Variants in NXPH1 observed in about 807,000 individuals in gnomAD.
NXPH1 encodes neurexophilin 1, also known as neurexophilin-1.
Under a neutral mutation model 23.7 loss-of-function variants are expected in NXPH1, and 5 were observed. The ratio of observed to expected loss-of-function variants is 0.21; its 90% CI spans 0.11 to 0.44. The LOEUF (loss-of-function observed/expected upper bound fraction) is 0.44, where lower values mean the gene tolerates loss of function less well. Among genes scored for constraint, NXPH1 ranks in the 20% least tolerant of loss-of-function variants. The probability of loss-of-function intolerance (pLI) is 0.99; values close to 1 mark genes in which losing one functional copy is unlikely to be tolerated. For missense variants in NXPH1, 324 were observed against 321.6 expected (o/e 1.01, Z -0.06); for synonymous variants, 144 against 122.2 (o/e 1.18, Z -1.18).
At chr7:8,444,907 T>C (rs376109046) in intron 2 of NXPH1, among the ~76,000 whole-genome samples, 98 of 152,398 alleles carry the variant, frequency 6.4e-4, no homozygotes, top group African/African-American at 2.2e-3. Flanking sequence ...TTGGATTTTC[T>C]TTTCCTCAGA....
intron 2 of NXPH1, among the ~76,000 whole-genome samples, chr7:8,644,485 T>C (rs1057493514): frequency 6.6e-6 from 1 of 152,168 alleles, no homozygotes; most frequent in Non-Finnish European, 1.5e-5. Flanking sequence ...CTTTATTCTC[T>C]TGTCTAGAAA....
chr7:8,438,497 C>A (rs1025171355), intron 2 of NXPH1, among the ~76,000 whole-genome samples: 1 of 152,198 alleles, frequency 6.6e-6, no homozygotes, highest in Non-Finnish European at 1.5e-5. Flanking sequence ...AGTTAAGTGC[C>A]TGCATCACTC....
chr7:8,733,988 A>G (rs1297960012), intron 2 of NXPH1, among the ~76,000 whole-genome samples: 1 of 151,928 alleles, frequency 6.6e-6, no homozygotes, highest in Non-Finnish European at 1.5e-5. Flanking sequence ...TAAGTATTCC[A>G]GGGTTTTTAT....
chr7:8,507,849 G>T (rs1025959161), intron 2 of NXPH1, among the ~76,000 whole-genome samples: 2 of 152,122 alleles, frequency 1.3e-5, no homozygotes, highest in African/African-American at 4.8e-5. Flanking sequence ...CTGCCTTGTG[G>T]CTGGGCAGTA....
chr7:8,574,543 TA>T (rs1288096420), intron 2 of NXPH1, among the ~76,000 whole-genome samples: 1 of 152,152 alleles, frequency 6.6e-6, no homozygotes, highest in Non-Finnish European at 1.5e-5. Flanking sequence ...CATGAGTGCA[TA>T]CCCACAAAAA....
chr7:8,613,474 A>T (rs886072618), intron 2 of NXPH1, among the ~76,000 whole-genome samples: 1 of 152,016 alleles, frequency 6.6e-6, no homozygotes, highest in Non-Finnish European at 1.5e-5. Flanking sequence ...TTCCTTAACA[A>T]GCTGAGTGGG....
At chr7:8,697,973 T>C (rs960367710) in intron 2 of NXPH1, among the ~76,000 whole-genome samples, 1 of 152,182 alleles carries the variant, frequency 6.6e-6, no homozygotes, top group Non-Finnish European at 1.5e-5. Flanking sequence ...ATTCTAAGTG[T>C]GGCAGGAAAT....
chr7:8,726,592 T>G (rs930119764), intron 2 of NXPH1, among the ~76,000 whole-genome samples: 2 of 148,986 alleles, frequency 1.3e-5, no homozygotes, highest in African/African-American at 4.9e-5. Flanking sequence ...AGTGTTTGGT[T>G]TTTTGTTCTT....
intron 2 of NXPH1, among the ~76,000 whole-genome samples, chr7:8,464,988 T>C (rs1816757387): frequency 6.6e-6 from 1 of 152,096 alleles, no homozygotes; most frequent in African/African-American, 2.4e-5. Flanking sequence ...GGGAAACAAA[T>C]CTGGCAGCCT....
Position 8,483,346 on chromosome 7 carries a change from T to C in NXPH1, c.54+47579T>C, listed in dbSNP as rs551546852. ...AAATTTTATTTTATTTTCTTTTTTT[T>C]AAAAGACAGGGTATTGTTCAGTCAC... On this transcript the variant is annotated intron_variant, in intron 2 of 2. Coordinates refer to ENST00000405863, the MANE Select transcript of NXPH1 (RefSeq NM_152745.3). 8.5e-5 allele frequency among the ~76,000 whole-genome samples: 13 copies of C among 152,122 alleles called. No individual in the cohort carries two copies. The East Asian group carries it at 2.5e-3, about 29-fold the overall frequency.
At chr7:8,578,996 G>C (rs1818810776) in intron 2 of NXPH1, among the ~76,000 whole-genome samples, 1 of 152,164 alleles carries the variant, frequency 6.6e-6, no homozygotes, top group South Asian at 2.1e-4. Context: ...ACAAGGAAGA[G>C]GACACTTGGT....
chr7:8,637,011 C>T (rs2115139249), intron 2 of NXPH1, among the ~76,000 whole-genome samples: 1 of 152,084 alleles, frequency 6.6e-6, no homozygotes. Context: ...GCTTCATCTC[C>T]TTGAGAGCCC....
intron 2 of NXPH1, among the ~76,000 whole-genome samples, chr7:8,693,200 A>G (rs939823481): frequency 2.6e-5 from 4 of 152,194 alleles, no homozygotes; most frequent in Non-Finnish European, 5.9e-5. Context: ...AAACAAAAAA[A>G]ACAAACCTCA....
chr7:8,668,769 A>G (rs992496860), intron 2 of NXPH1, among the ~76,000 whole-genome samples: 5 of 151,674 alleles, frequency 3.3e-5, no homozygotes, highest in Non-Finnish European at 5.9e-5. Context: ...GCTTGTGTTC[A>G]TGGGGGCAAG....
chr7:8,668,775 G>A (rs538402149), intron 2 of NXPH1, among the ~76,000 whole-genome samples: 15 of 152,272 alleles, frequency 9.9e-5, no homozygotes, highest in African/African-American at 2.9e-4. Flanking sequence ...GTTCATGGGG[G>A]CAAGTATGGC....
intron 2 of NXPH1, among the ~76,000 whole-genome samples, chr7:8,467,285 T>C (rs1816801485): frequency 6.6e-6 from 1 of 152,136 alleles, no homozygotes; most frequent in Non-Finnish European, 1.5e-5. Flanking sequence ...AGGGTATTAA[T>C]AGCTAAAGAC....
intron 2 of NXPH1, among the ~76,000 whole-genome samples, chr7:8,531,112 GTT>G (rs753939931): frequency 1.3e-5 from 2 of 152,126 alleles, no homozygotes; most frequent in Non-Finnish European, 2.9e-5. Context: ...TCAAGATTCT[GTT>G]CCTTCTTGGC....
At chr7:8,497,013 C>T (rs1817348225) in intron 2 of NXPH1, among the ~76,000 whole-genome samples, 4 of 152,052 alleles carry the variant, frequency 2.6e-5, no homozygotes. Context: ...TGCTATCCCT[C>T]CCCTTACCCC....
chr7:8,732,120 AC>A (rs1202083604), intron 2 of NXPH1, among the ~76,000 whole-genome samples: 1 of 152,116 alleles, frequency 6.6e-6, no homozygotes, highest in Non-Finnish European at 1.5e-5. Context: ...GCCATCTGTC[AC>A]CCCTTTCTTT....
Sources: gnomAD v4.1 joint callset for allele counts (sites outside exome capture counted in the v4.1 genomes callset) on GRCh38, gnomAD v4.1.1 for gene constraint, MANE v1.5 for transcripts, NCBI Gene and HGNC (gene_info 2026-07-23, HGNC 2026-07-21) for gene names.